Variants in HIVEP2 observed in about 807,000 individuals in gnomAD.
HIVEP2 encodes HIVEP zinc finger 2.
Under a neutral mutation model 180.7 loss-of-function variants are expected in HIVEP2, and 14 were observed. That is an observed-to-expected ratio of 0.08 (90% CI 0.05 to 0.12). The LOEUF is 0.12. Among genes scored for constraint, HIVEP2 ranks in the 10% least tolerant of loss-of-function variants. The pLI, the probability that HIVEP2 is intolerant of heterozygous loss-of-function variation, is 1.00. For missense variants in HIVEP2, 2,579 were observed against 3,008.5 expected, an observed-to-expected ratio of 0.86 and a Z score of 3.34; for synonymous variants, 1,184 against 1,136.4, an observed-to-expected ratio of 1.04 and a Z score of -0.84.
At chr6:142,898,965 C>T (rs1239257824) in intron 1 of HIVEP2, among the ~76,000 whole-genome samples, 5 of 152,152 alleles carry the variant, frequency 3.3e-5, no homozygotes, top group East Asian at 1.9e-4. Flanking sequence ...CTCCCAAATC[C>T]GGGCTTGGCT....
At chr6:142,930,820 A>G (rs1282159227) in intron 1 of HIVEP2, among the ~76,000 whole-genome samples, 1 of 152,214 alleles carries the variant, frequency 6.6e-6, no homozygotes, top group Non-Finnish European at 1.5e-5. Flanking sequence ...CATGAATTCA[A>G]GTAAAACAAA....
chr6:142,892,903 A>C (rs546674712), intron 1 of HIVEP2, among the ~76,000 whole-genome samples: 1 of 152,302 alleles, frequency 6.6e-6, no homozygotes, highest in South Asian at 2.1e-4. Flanking sequence ...TCAGAAGTAT[A>C]ATCATTCCAT....
At chr6:142,836,599 C>T (rs185876593) in intron 2 of HIVEP2, among the ~76,000 whole-genome samples, 144 of 152,202 alleles carry the variant, frequency 9.5e-4, no homozygotes, top group African/African-American at 3.4e-3. Context: ...AATAAAACTA[C>T]ATATAAAAAC....
intron 2 of HIVEP2, among the ~76,000 whole-genome samples, chr6:142,810,716 C>T (rs532115043): frequency 3.0e-4 from 43 of 144,432 alleles, no homozygotes; most frequent in African/African-American, 9.7e-4. Context: ...GAGCTAAGAT[C>T]GCGCCACTGC....
At chr6:142,912,573 G>A (rs546286353) in intron 1 of HIVEP2, among the ~76,000 whole-genome samples, 6 of 152,294 alleles carry the variant, frequency 3.9e-5, no homozygotes, top group South Asian at 2.1e-4. Flanking sequence ...TTTAGGAACC[G>A]CGTCGCACAG....
At chr6:142,892,830 T>C (rs962382769) in intron 1 of HIVEP2, among the ~76,000 whole-genome samples, 1 of 152,160 alleles carries the variant, frequency 6.6e-6, no homozygotes, top group African/African-American at 2.4e-5. Context: ...AGATTACAGA[T>C]GGAAATGACT....
chr6:142,767,822 A>G (rs1775412445), intron 6 of HIVEP2, among the ~76,000 whole-genome samples: 1 of 152,244 alleles, frequency 6.6e-6, no homozygotes, highest in Non-Finnish European at 1.5e-5. Context: ...AGAAAGTGTC[A>G]TACACCAGAG....
chr6:142,877,418 T>C (rs191745206), intron 1 of HIVEP2, among the ~76,000 whole-genome samples: 2 of 152,260 alleles, frequency 1.3e-5, no homozygotes, highest in African/African-American at 4.8e-5. Context: ...ACAATACAAA[T>C]TTTTATTTAA....
chr6:142,823,123 G>T (rs1352536262), intron 2 of HIVEP2, among the ~76,000 whole-genome samples: 1 of 152,180 alleles, frequency 6.6e-6, no homozygotes, highest in Non-Finnish European at 1.5e-5. Flanking sequence ...TCCTCAGGAA[G>T]GAACCCCTCT....
chr6:142,879,336 C>CT (rs1776524296), intron 1 of HIVEP2, among the ~76,000 whole-genome samples: 1 of 152,160 alleles, frequency 6.6e-6, no homozygotes, highest in Non-Finnish European at 1.5e-5. Context: ...TAGAATCTTT[C>CT]TATGGTAGTG....
In HIVEP2 at chr6:142,802,030, T is replaced by A. The variant is rs553971494; in HGVS notation, c.-527-18415A>T. Among the ~76,000 whole-genome samples the A allele has an allele frequency of 5.3e-5, 8 of 152,272 alleles. No homozygotes were observed. In the East Asian group the frequency reaches 1.4e-3, roughly 26 times the overall value. ...GAGGCCCCAGGAGGTTGGGATTCTG[T>A]CTGTATTTGTTAATATACTACCAGC... On this transcript the variant is annotated intron_variant, in intron 2 of 9. Coordinates refer to ENST00000367603, the MANE Select transcript of HIVEP2 (RefSeq NM_006734.4).
chr6:142,776,853 T>C (rs1318826808), intron 3 of HIVEP2, among the ~76,000 whole-genome samples: 1 of 152,168 alleles, frequency 6.6e-6, no homozygotes, highest in Non-Finnish European at 1.5e-5. Flanking sequence ...GGTTTTTTTT[T>C]CTGATAGGTT....
Position 142,774,901 on chromosome 6 carries a change from C to T in HIVEP2, c.-163G>A. ...TTTGGAACCTTCCACACGCACACCA[C>T]AGTCGATGGGCATTAGCTAGTAATG... On this transcript the variant is annotated 5_prime_UTR_variant, in exon 5 of 10. The change creates a new upstream start codon in the 5' untranslated region. Coordinates refer to ENST00000367603, the MANE Select transcript of HIVEP2 (RefSeq NM_006734.4). This position sits in a 1 kb window ranked among gnomAD's most constrained non-coding sequence, Gnocchi z 5.1. 6.7e-7 allele frequency: 1 copy of T among 1,483,208 alleles called. No homozygotes were observed. Among genetic ancestry groups the T allele is most frequent in the South Asian group, 1.4e-5 (1 of 71,374 alleles). The allele number at this position is 1,483,208 out of a possible 1,614,324, so 91.9% of individuals were successfully genotyped here.
intron 1 of HIVEP2, among the ~76,000 whole-genome samples, chr6:142,880,781 A>G (rs1237022189): frequency 6.6e-6 from 1 of 152,032 alleles, no homozygotes; most frequent in East Asian, 1.9e-4. Flanking sequence ...CCATCCATCA[A>G]TGCCTTGGCA....
In HIVEP2 at chr6:142,813,087, T is replaced by C. The variant is rs73780171; in HGVS notation, c.-528+23848A>G. Among the ~76,000 whole-genome samples, 913 of 152,244 alleles carry C rather than the reference T, an allele frequency of 6.0e-3. 7 individuals are homozygous for C. The highest frequency in any genetic ancestry group is 0.021 in the African/African-American group (873 of 41,550). ...AAAGTGTTTATTTTTGTTAATAAAA[T>C]TATGACTTTATAATATTTAATATAA... On this transcript the variant is annotated intron_variant, in intron 2 of 9. Coordinates refer to ENST00000367603, the MANE Select transcript of HIVEP2 (RefSeq NM_006734.4).
chr6:142,866,283 A>G (rs1776135940), intron 1 of HIVEP2, among the ~76,000 whole-genome samples: 1 of 152,188 alleles, frequency 6.6e-6, no homozygotes, highest in Non-Finnish European at 1.5e-5. Context: ...CTTGTTGAGA[A>G]CCTAAATAAG....
chr6:142,927,588 A>G (rs1365026360), intron 1 of HIVEP2, among the ~76,000 whole-genome samples: 1 of 152,232 alleles, frequency 6.6e-6, no homozygotes, highest in Non-Finnish European at 1.5e-5. Flanking sequence ...TTTATTTATT[A>G]GGACCTTAAG....
At chr6:142,764,760 AG>A (rs1341248916) in intron 7 of HIVEP2, 38 bp downstream of exon 7, 1 of 1,486,500 alleles carries the variant, frequency 6.7e-7, no homozygotes, top group African/African-American at 1.4e-5. Context: ...AAGTAGCCAT[AG>A]AGAAGTATTT....
intron 3 of HIVEP2, among the ~76,000 whole-genome samples, chr6:142,781,210 T>C (rs1775851247): frequency 1.3e-5 from 2 of 152,196 alleles, no homozygotes; most frequent in South Asian, 4.1e-4. Flanking sequence ...TCTCTAATAT[T>C]TCATTAAAAT....
Sources: allele counts gnomAD v4.1 joint callset (sites outside exome capture counted in the v4.1 genomes callset), GRCh38; gene constraint gnomAD v4.1.1; non-coding constraint Gnocchi (gnomAD v3.1); transcripts MANE v1.5; gene names NCBI Gene and HGNC (gene_info 2026-07-23, HGNC 2026-07-21).